FHIT: variants seen among roughly 807,000 people sequenced by gnomAD.
The protein encoded by FHIT is fragile histidine triad diadenosine triphosphatase.
FHIT carries 19 observed loss-of-function variants against 17.9 expected under a neutral mutation model. The ratio of observed to expected loss-of-function variants is 1.06; its 90% CI spans 0.74 to 1.56. FHIT has a LOEUF of 1.56. Ranked by LOEUF, FHIT falls within the 40% of genes most tolerant of loss-of-function variation. FHIT has a pLI of 0.00. For synonymous variants in FHIT, 81 were observed against 69.7 expected (o/e 1.16, Z -0.81); for missense variants, 248 against 189.2 (o/e 1.31, Z -1.82).
At chr3:60,524,164 G>A (rs1166327507) in intron 5 of FHIT, among the ~76,000 whole-genome samples, 1 of 149,502 alleles carries the variant, frequency 6.7e-6, no homozygotes, top group Non-Finnish European at 1.5e-5. Context: ...AATCATCCCT[G>A]CCCTCAGAGA....
intron 8 of FHIT, among the ~76,000 whole-genome samples, chr3:59,794,902 C>T (rs901298497): frequency 6.6e-6 from 1 of 152,186 alleles, no homozygotes; most frequent in African/African-American, 2.4e-5. Context: ...GTTAAACCTC[C>T]TGGACCCTAC....
At chr3:61,077,580 A>G (rs2035010384) in intron 2 of FHIT, among the ~76,000 whole-genome samples, 1 of 152,124 alleles carries the variant, frequency 6.6e-6, no homozygotes, top group South Asian at 2.1e-4. Flanking sequence ...CTGATCTTAG[A>G]AGAATCCTAA....
chr3:60,506,402 G>C (rs769235560), intron 5 of FHIT, among the ~76,000 whole-genome samples: 2 of 152,186 alleles, frequency 1.3e-5, no homozygotes, highest in Non-Finnish European at 2.9e-5. Context: ...TACAGAGATT[G>C]TGTTTGGCAA....
chr3:60,353,493 C>T (rs1699510059), intron 5 of FHIT, among the ~76,000 whole-genome samples: 2 of 152,120 alleles, frequency 1.3e-5, no homozygotes, highest in Non-Finnish European at 1.5e-5. Context: ...GTGTTCCCTA[C>T]ATCTCCTTCT....
chr3:60,624,467 G>A (rs1051353738), intron 4 of FHIT, among the ~76,000 whole-genome samples: 4 of 152,140 alleles, frequency 2.6e-5, no homozygotes, highest in African/African-American at 9.7e-5. Context: ...CAAAATACAG[G>A]AATCTGAGCA....
At chr3:61,203,760 A>G (rs551318581) in intron 1 of FHIT, among the ~76,000 whole-genome samples, 2 of 152,352 alleles carry the variant, frequency 1.3e-5, no homozygotes, top group South Asian at 4.1e-4. Flanking sequence ...TACAAGGAGG[A>G]GAGAAATACT....
At chr3:60,954,452 T>C (rs1553778170) in intron 3 of FHIT, among the ~76,000 whole-genome samples, 1 of 152,204 alleles carries the variant, frequency 6.6e-6, no homozygotes, top group Non-Finnish European at 1.5e-5. Context: ...GCTTTGCTAC[T>C]CTAGTTATTT....
Position 60,094,888 on chromosome 3 carries a change from G to A in FHIT, c.104-80736C>T, listed in dbSNP as rs149900234. ...ACACTGCAAAAGGAAGCACCCAAGC[G>A]TTTTAAGTTTAGCAAATGATTATGA... On this transcript the variant is annotated intron_variant, in intron 5 of 9. Transcript: ENST00000492590. Among the ~76,000 whole-genome samples the A allele has an allele frequency of 8.6e-4, 131 of 152,200 alleles. 1 individual carries two copies. The highest frequency in any genetic ancestry group is 1.5e-3 in the Non-Finnish European group (100 of 68,000).
At chr3:59,812,279 C>G (rs1052973131) in intron 8 of FHIT, among the ~76,000 whole-genome samples, 10 of 152,150 alleles carry the variant, frequency 6.6e-5, no homozygotes, top group African/African-American at 2.4e-4. Flanking sequence ...CCCTCCTTGT[C>G]TTTGAGGAAG....
intron 7 of FHIT, among the ~76,000 whole-genome samples, chr3:59,988,295 G>A (rs1709075523): frequency 6.6e-6 from 1 of 152,020 alleles, no homozygotes; most frequent in African/African-American, 2.4e-5. Context: ...TAAAAATTTA[G>A]GAAGCTTCGT....
intron 5 of FHIT, among the ~76,000 whole-genome samples, chr3:60,118,666 C>G (rs1370830017): frequency 6.6e-6 from 1 of 151,260 alleles, no homozygotes; most frequent in Admixed American, 6.6e-5. Context: ...AAAGTACATA[C>G]CTCCTATAAT....
At chr3:61,213,958 C>A (rs143323240) in intron 1 of FHIT, among the ~76,000 whole-genome samples, 1 of 151,836 alleles carries the variant, frequency 6.6e-6, no homozygotes, top group African/African-American at 2.4e-5. Flanking sequence ...TTGAAACCAA[C>A]GAGAACAAAG....
chr3:59,787,293 T>G (rs1699348107), intron 8 of FHIT, among the ~76,000 whole-genome samples: 1 of 152,208 alleles, frequency 6.6e-6, no homozygotes, highest in South Asian at 2.1e-4. Flanking sequence ...AATGTTAAAC[T>G]AAAGCCAGCA....
intron 5 of FHIT, among the ~76,000 whole-genome samples, chr3:60,493,735 G>C (rs2107506315): frequency 6.6e-6 from 1 of 152,160 alleles, no homozygotes; most frequent in East Asian, 1.9e-4. Flanking sequence ...TCAATATTTG[G>C]AATATTCAAA....
intron 5 of FHIT, among the ~76,000 whole-genome samples, chr3:60,271,135 C>T (rs543741165): frequency 2.0e-4 from 31 of 152,170 alleles, no homozygotes; most frequent in Non-Finnish European, 4.3e-4. Flanking sequence ...CTCCGTGGCT[C>T]ACACCTATAA....
chr3:59,971,764 A>ACGTCAATT (rs1042134752), intron 7 of FHIT, among the ~76,000 whole-genome samples: 2 of 152,178 alleles, frequency 1.3e-5, no homozygotes, highest in Admixed American at 1.3e-4. Flanking sequence ...TGGGCAAGAT[A>ACGTCAATT]CGTCAATTCT....
intron 1 of FHIT, among the ~76,000 whole-genome samples, chr3:61,218,259 A>C (rs1018152425): frequency 1.2e-4 from 18 of 152,170 alleles, no homozygotes; most frequent in Non-Finnish European, 2.2e-4. Flanking sequence ...AATCCTACAT[A>C]AGAGAGAGAA....
chr3:60,391,237 A>C (rs1701221839), intron 5 of FHIT, among the ~76,000 whole-genome samples: 1 of 152,024 alleles, frequency 6.6e-6, no homozygotes, highest in Non-Finnish European at 1.5e-5. Flanking sequence ...AAAAAAGAAC[A>C]AGCTATAATA....
At chr3:60,496,233 TA>T (rs1197763455) in intron 5 of FHIT, among the ~76,000 whole-genome samples, 1 of 151,176 alleles carries the variant, frequency 6.6e-6, no homozygotes. Flanking sequence ...AAGCGAGAAA[TA>T]AAAAAAAGTC....
Sources: allele counts gnomAD v4.1 joint callset (sites outside exome capture counted in the v4.1 genomes callset), GRCh38; gene constraint gnomAD v4.1.1; transcripts MANE v1.5; gene names NCBI Gene and HGNC (gene_info 2026-07-23, HGNC 2026-07-21).